ZNF429: variants seen among roughly 807,000 people sequenced by gnomAD.
ZNF429 encodes the protein zinc finger protein 429.
In ZNF429, 53 loss-of-function variants were observed where a neutral mutation model predicts 56.8. That is an observed-to-expected ratio of 0.93 (90% confidence interval 0.75 to 1.17). ZNF429 has a LOEUF of 1.17. ZNF429 is among the 50% of genes most tolerant of loss of function. The pLI is 0.00. For missense variants in ZNF429, 849 were observed against 788.4 expected, an observed-to-expected ratio of 1.08 and a Z score of -0.92; for synonymous variants, 278 against 264.7, an observed-to-expected ratio of 1.05 and a Z score of -0.49.
At chr19:21,535,731 G>C in intron 3 of ZNF429, among the ~76,000 whole-genome samples, 2 of 151,850 alleles carry the variant, frequency 1.3e-5, no homozygotes, top group South Asian at 4.2e-4. Context: ...GGCCAGGCTG[G>C]TTTCGAACTC....
Position 21,536,549 on chromosome 19 carries a change from A to G in ZNF429, c.496A>G (p.Arg166Gly). The G allele has an allele frequency of 6.2e-7, 1 of 1,613,702 alleles. No homozygotes were observed. The highest frequency in any genetic ancestry group is 8.5e-7 in the Non-Finnish European group (1 of 1,179,838). ...TTCAAATGCAGATAGATACAAGACA[A>G]GACATACTGGAAAGAAACCTTTCCA... is the stretch of plus-strand genomic sequence containing the variant. ...AFSNADRYKT[R>G]HTGKKPFQCK... Residue 166 changes from arginine to glycine, a missense_variant, in exon 4 of 4, where the codon AGA becomes GGA. Coordinates refer to ENST00000358491, the MANE Select transcript of ZNF429 (RefSeq NM_001001415.4).
At chr19:21,520,317 A>T (rs1263471758) in intron 1 of ZNF429, among the ~76,000 whole-genome samples, 1 of 152,206 alleles carries the variant, frequency 6.6e-6, no homozygotes, top group Non-Finnish European at 1.5e-5. Flanking sequence ...ACATGTCCAG[A>T]GACTTGGTTG....
Position 21,505,641 on chromosome 19 carries a change from C to A in ZNF429, c.-131C>A. On this transcript the variant is annotated 5_prime_UTR_variant, in exon 1 of 4. Transcript: ENST00000358491. ...ATGGCGGGGCGTTTGGCTCTTGCTG[C>A]AGCCAGAGCTCCAGGTCTCGTCTTC... The A allele has an allele frequency of 2.1e-6, 2 of 935,570 alleles. No homozygotes were observed. The highest frequency in any genetic ancestry group is 3.1e-6 in the Non-Finnish European group (2 of 641,544). The allele number at this position is 935,570 out of a possible 1,614,324, so 58.0% of individuals were successfully genotyped here. A position where few individuals can be genotyped will look rare whatever the true frequency, so the allele number is the denominator to read the frequency against.
chr19:21,512,259 ACT>A (rs1002939810), intron 1 of ZNF429, among the ~76,000 whole-genome samples: 1 of 151,908 alleles, frequency 6.6e-6, no homozygotes, highest in Non-Finnish European at 1.5e-5. Context: ...ATCAGAGGTT[ACT>A]CTCAGGGCCA....
intron 1 of ZNF429, among the ~76,000 whole-genome samples, chr19:21,511,096 T>A (rs918140306): frequency 1.3e-5 from 2 of 152,208 alleles, no homozygotes; most frequent in African/African-American, 4.8e-5. Flanking sequence ...AGCTGTTGGG[T>A]ACACCTCCCA....
chr19:21,508,770 A>G (rs2032311391), intron 1 of ZNF429, among the ~76,000 whole-genome samples: 3 of 152,106 alleles, frequency 2.0e-5, no homozygotes. Flanking sequence ...CTACCAAGGA[A>G]AAGAATAGGG....
chr19:21,509,106 T>C (rs568056516), intron 1 of ZNF429, among the ~76,000 whole-genome samples: 8 of 151,932 alleles, frequency 5.3e-5, no homozygotes, highest in Non-Finnish European at 1.0e-4. Context: ...CCTCCTGGGT[T>C]CAAGCAATTC....
intron 1 of ZNF429, among the ~76,000 whole-genome samples, chr19:21,520,941 A>C (rs1349397531): frequency 6.6e-6 from 1 of 152,238 alleles, no homozygotes; most frequent in Non-Finnish European, 1.5e-5. Flanking sequence ...TTTACTTTGA[A>C]TACCTTAAAT....
At chr19:21,511,683 G>A (rs1347775930) in intron 1 of ZNF429, among the ~76,000 whole-genome samples, 1 of 151,766 alleles carries the variant, frequency 6.6e-6, no homozygotes, top group Non-Finnish European at 1.5e-5. Flanking sequence ...GTGGCGGCCG[G>A]GCAGAGGCTG....
intron 1 of ZNF429, among the ~76,000 whole-genome samples, chr19:21,508,770 AAAG>A (rs2032311503): frequency 6.6e-6 from 1 of 152,106 alleles, no homozygotes; most frequent in Admixed American, 6.6e-5. Flanking sequence ...CTACCAAGGA[AAAG>A]AATAGGGAAA....
chr19:21,511,346 CCTCACTT>C (rs2032458391), intron 1 of ZNF429, among the ~76,000 whole-genome samples: 1 of 152,016 alleles, frequency 6.6e-6, no homozygotes, highest in Admixed American at 6.5e-5. Context: ...CGGAGGGTCT[CCTCACTT>C]CTCAGACTGG....
chr19:21,510,902 G>T (rs1375713309), intron 1 of ZNF429, among the ~76,000 whole-genome samples: 1 of 152,040 alleles, frequency 6.6e-6, no homozygotes, highest in Non-Finnish European at 1.5e-5. Context: ...TGGGGGTAAG[G>T]TCATAGATCA....
Position 21,537,598 on chromosome 19 carries a change from C to T in ZNF429, c.1545C>T (p.Gly515=). ...GEKPYKCEEC[G]KAFILSSRLT... ...AACCCTACAAATGTGAAGAATGTGG[C>T]AAAGCTTTTATCCTGTCCTCAAGAC... Residue 515 remains glycine (G), a synonymous_variant, in exon 4 of 4, where the codon GGC becomes GGT. Transcript: ENST00000358491. 6.2e-7 allele frequency: 1 copy of T among 1,613,476 alleles called. No individual in the cohort carries two copies. Among genetic ancestry groups the T allele is most frequent in the South Asian group, 1.1e-5 (1 of 91,070 alleles).
intron 1 of ZNF429, chr19:21,506,095 TCGGGATG>T (rs2032130939): frequency 5.4e-6 from 1 of 184,002 alleles, no homozygotes; most frequent in Non-Finnish European, 1.2e-5. Flanking sequence ...GAATAGTGAC[TCGGGATG>T]CGGGTTCATG....
chr19:21,537,706 A>T lies in ZNF429; in HGVS notation c.1653A>T (p.Arg551Ser), dbSNP rs1275730618. 5.0e-6 allele frequency: 8 copies of T among 1,613,530 alleles called. No homozygotes were observed. The highest frequency in any genetic ancestry group is 3.3e-5 in the Admixed American group (2 of 59,964). ...GCAAAGCTTTTAACCGGTCCTCAAG[A>T]CTTACTCAACATAAGAAAATTCATA... ...ECGKAFNRSS[R>S]LTQHKKIHTG... The change falls in exon 4 of 4, where the codon AGA becomes AGT. Residue 551 changes from arginine (R) to serine (S), a missense_variant. Physicochemically the swap from Arg to Ser is moderately radical, Grantham distance 110. Transcript: ENST00000358491.
intron 3 of ZNF429, among the ~76,000 whole-genome samples, chr19:21,534,410 C>A: frequency 7.0e-5 from 10 of 143,514 alleles, no homozygotes; most frequent in Admixed American, 1.4e-4. Flanking sequence ...GGAGCTTACT[C>A]TGTCACCCAG....
intron 1 of ZNF429, among the ~76,000 whole-genome samples, chr19:21,511,565 T>G (rs946148111): frequency 7.4e-5 from 11 of 148,790 alleles, no homozygotes; most frequent in Middle Eastern, 3.6e-3. Context: ...GGATGGCGGC[T>G]GGACAGAGAC....
chr19:21,532,611 G>A, intron 3 of ZNF429, among the ~76,000 whole-genome samples: 1 of 152,022 alleles, frequency 6.6e-6, no homozygotes, highest in African/African-American at 2.4e-5. Context: ...TTGGCTCACT[G>A]TAAGCTTGAA....
rs1398262241 is a variant in ZNF429, at chr19:21,529,757, G to C, written c.103G>C (p.Glu35Gln). 1.8e-5 allele frequency: 28 copies of C among 1,592,350 alleles called. No homozygotes were observed. The highest frequency in any genetic ancestry group is 2.4e-5 in the Non-Finnish European group (28 of 1,169,136). The change falls in exon 2 of 4, where the codon GAG becomes CAG. Residue 35 changes from glutamate (E) to glutamine (Q), a missense_variant. Glu to Gln is a conservative substitution (Grantham distance 29). Transcript: ENST00000358491. ...QQNLYRNVML[E>Q]NYRNLVFLGI... ...GAACTTATATAGAAATGTGATGTTA[G>C]AGAACTACAGAAACTTGGTCTTCCT...
Sources: allele counts gnomAD v4.1 joint callset (sites outside exome capture counted in the v4.1 genomes callset), GRCh38; gene constraint gnomAD v4.1.1; transcripts MANE v1.5; gene names NCBI Gene and HGNC (gene_info 2026-07-23, HGNC 2026-07-21).